ADGRV1: variants seen among roughly 807,000 people sequenced by gnomAD.
ADGRV1 encodes adhesion G protein-coupled receptor V1, also known as G-protein coupled receptor 98.
ADGRV1 carries 359 observed loss-of-function variants against 596.2 expected under a neutral mutation model. That is an observed-to-expected ratio of 0.60 (90% CI 0.55 to 0.66). ADGRV1 has a LOEUF of 0.66. ADGRV1 is among the 30% of genes least tolerant of loss of function. ADGRV1 has a pLI of 0.00. For missense variants in ADGRV1, 7,274 were observed against 7,575.6 expected (o/e 0.96, Z 1.48); for synonymous variants, 2,681 against 2,679.2 (o/e 1.00, Z -0.02).
intron 89 of ADGRV1, among the ~76,000 whole-genome samples, chr5:91,154,593 C>A (rs1482238598): frequency 1.3e-5 from 2 of 152,186 alleles, no homozygotes; most frequent in African/African-American, 4.8e-5. Context: ...ATGGCACATC[C>A]TATCTGTATT....
chr5:91,011,148 C>T (rs993669931), intron 85 of ADGRV1, among the ~76,000 whole-genome samples: 36 of 151,968 alleles, frequency 2.4e-4, no homozygotes, highest in African/African-American at 7.9e-4. Flanking sequence ...TCATCACAAC[C>T]TTGCTTTACT....
rs756362208 is a variant in ADGRV1, at chr5:90,644,776, C to T, written c.2805C>T (p.Asp935=). ...GTGTATCATGGGTGGTTAGTCCAGA[C>T]TTTACACAAGATGTATTTCCTGTAC... ...DVSVSWVVSP[D]FTQDVFPVQG... is the part of the protein sequence containing the mutation. The change falls in exon 15 of 90, where the codon GAC becomes GAT. Residue 935 remains aspartate (D), a synonymous_variant. Transcript: ENST00000405460. 15 of 1,611,382 alleles carry T rather than the reference C, an allele frequency of 9.3e-6. No homozygotes were observed. In the Middle Eastern group the frequency reaches 4.9e-4, roughly 53 times the overall value.
intron 85 of ADGRV1, among the ~76,000 whole-genome samples, chr5:91,051,971 T>C (rs1786375739): frequency 6.6e-6 from 1 of 152,252 alleles, no homozygotes; most frequent in African/African-American, 2.4e-5. Context: ...ATATTCATTT[T>C]AGCTAACCAT....
intron 84 of ADGRV1, among the ~76,000 whole-genome samples, chr5:90,976,241 G>A (rs1386139766): frequency 3.0e-5 from 4 of 135,516 alleles, no homozygotes; most frequent in African/African-American, 8.6e-5. Context: ...TATACACAAT[G>A]TACATATATT....
chr5:90,824,003 G>T (rs1488957518), intron 76 of ADGRV1, among the ~76,000 whole-genome samples: 1 of 152,026 alleles, frequency 6.6e-6, no homozygotes, highest in Non-Finnish European at 1.5e-5. Flanking sequence ...CTTAATAAAA[G>T]ACATGTCGAT....
intron 9 of ADGRV1, among the ~76,000 whole-genome samples, chr5:90,631,448 C>T (rs75791930): frequency 0.037 from 5,650 of 152,076 alleles, 299 homozygotes; most frequent in African/African-American, 0.12. Flanking sequence ...AGTATGTACG[C>T]GACACCTTTT....
intron 54 of ADGRV1, among the ~76,000 whole-genome samples, 155 bp downstream of exon 54, chr5:90,753,984 G>GTAAAATTAT (rs1325027036): frequency 6.6e-6 from 1 of 151,934 alleles, no homozygotes; most frequent in African/African-American, 2.4e-5. Flanking sequence ...TGTTAAATCT[G>GTAAAATTAT]GTAATCATGT....
rs1441358803 is a variant in ADGRV1, at chr5:91,163,965, C to G, written c.*65C>G. On this transcript the variant is annotated 3_prime_UTR_variant, in exon 90 of 90. Transcript: ENST00000405460. Reference sequence around the variant, plus strand: ...GTATCAGCTTTTGTGCTAAAACTCTCTAAGTACATCCACCTGTGTAATAGG... The same window carrying G: ...GTATCAGCTTTTGTGCTAAAACTCTGTAAGTACATCCACCTGTGTAATAGG... 1.3e-6 allele frequency: 1 copy of G among 768,246 alleles called. No homozygotes were observed. The highest frequency in any genetic ancestry group is 1.7e-5 in the African/African-American group (1 of 58,296). The allele number at this position is 768,246 out of a possible 1,614,324, so 47.6% of individuals were successfully genotyped here. A position where few individuals can be genotyped will look rare whatever the true frequency, so the allele number is the denominator to read the frequency against.
chr5:90,593,563 G>A (rs908715722), intron 1 of ADGRV1, among the ~76,000 whole-genome samples: 17 of 151,928 alleles, frequency 1.1e-4, no homozygotes, highest in Non-Finnish European at 1.8e-4. Context: ...ACAAACCTGC[G>A]CATTGTGCAC....
chr5:90,600,141 T>C (rs1053064774), intron 1 of ADGRV1, among the ~76,000 whole-genome samples: 1 of 152,164 alleles, frequency 6.6e-6, no homozygotes, highest in African/African-American at 2.4e-5. Flanking sequence ...CCTAATTCAT[T>C]TGAGCATCAC....
At chr5:90,706,597 A>T (rs560432116) in intron 38 of ADGRV1, among the ~76,000 whole-genome samples, 1 of 152,204 alleles carries the variant, frequency 6.6e-6, no homozygotes, top group East Asian at 1.9e-4. Flanking sequence ...GTAACTACAT[A>T]GAAGGTAGAA....
At chr5:90,974,626 C>G (rs1007624697) in intron 84 of ADGRV1, among the ~76,000 whole-genome samples, 8 of 152,076 alleles carry the variant, frequency 5.3e-5, no homozygotes, top group Non-Finnish European at 1.2e-4. Context: ...ATAAATGGTG[C>G]TGGGAAAACT....
At chr5:91,068,855 C>T (rs146172945) in intron 85 of ADGRV1, among the ~76,000 whole-genome samples, 4 of 151,060 alleles carry the variant, frequency 2.6e-5, no homozygotes, top group Admixed American at 1.3e-4. Flanking sequence ...GCAAAAAGAA[C>T]GAAGCCAGAG....
intron 83 of ADGRV1, among the ~76,000 whole-genome samples, chr5:90,926,348 A>G (rs555441819): frequency 1.2e-4 from 18 of 150,808 alleles, no homozygotes; most frequent in Admixed American, 4.6e-4. Context: ...ACTTCTTCCT[A>G]GTTTAGTCTT....
chr5:90,572,797 C>T (rs1355196304), intron 1 of ADGRV1, among the ~76,000 whole-genome samples: 2 of 152,000 alleles, frequency 1.3e-5, no homozygotes, highest in African/African-American at 2.4e-5. Context: ...ATCTCCTGTA[C>T]TGTGAGAGAG....
chr5:90,566,647 A>G (rs766961276), intron 1 of ADGRV1, among the ~76,000 whole-genome samples: 17 of 152,146 alleles, frequency 1.1e-4, no homozygotes, highest in Non-Finnish European at 2.4e-4. Context: ...TTACTAATGT[A>G]TAGAAATAAC....
At chr5:91,063,039 A>G (rs1302776986) in intron 85 of ADGRV1, among the ~76,000 whole-genome samples, 1 of 143,530 alleles carries the variant, frequency 7.0e-6, no homozygotes, top group Non-Finnish European at 1.5e-5. Context: ...GCTCACTGCA[A>G]CCTCCACCTC....
At chr5:90,794,269 G>C (rs1329478384) in intron 70 of ADGRV1, among the ~76,000 whole-genome samples, 1 of 152,138 alleles carries the variant, frequency 6.6e-6, no homozygotes, top group Non-Finnish European at 1.5e-5. Context: ...AAAGAGTCTT[G>C]ATGTAGGTTT....
intron 75 of ADGRV1, among the ~76,000 whole-genome samples, chr5:90,823,165 A>G (rs1297896072): frequency 1.3e-5 from 2 of 152,188 alleles, no homozygotes; most frequent in Non-Finnish European, 2.9e-5. Flanking sequence ...CCTTATACAG[A>G]GTATTAGGAT....
Sources: allele counts gnomAD v4.1 joint callset (sites outside exome capture counted in the v4.1 genomes callset), GRCh38; gene constraint gnomAD v4.1.1; transcripts MANE v1.5; gene names NCBI Gene and HGNC (gene_info 2026-07-23, HGNC 2026-07-21).